Variants in MYRIP observed in about 807,000 individuals in gnomAD.
The protein encoded by MYRIP is myosin VIIA and Rab interacting protein, also known as rab effector MyRIP.
A neutral mutation model predicts 98.0 loss-of-function variants in MYRIP; 49 were observed. That is an observed-to-expected ratio of 0.50 (90% CI 0.40 to 0.63). The LOEUF (loss-of-function observed/expected upper bound fraction) is 0.63. Among genes scored for constraint, MYRIP ranks in the 30% least tolerant of loss-of-function variants. The probability of loss-of-function intolerance (pLI) is 0.00; values close to 1 mark genes in which losing one functional copy is unlikely to be tolerated. For synonymous variants in MYRIP, 404 were observed against 409.5 expected, an observed-to-expected ratio of 0.99 and a Z score of 0.16; for missense variants, 1,004 against 1,058.2, an observed-to-expected ratio of 0.95 and a Z score of 0.71.
At chr3:39,899,402 C>T (rs1943691739) in intron 1 of MYRIP, among the ~76,000 whole-genome samples, 1 of 151,894 alleles carries the variant, frequency 6.6e-6, no homozygotes, top group Admixed American at 6.6e-5. Context: ...AGTGTTTTTC[C>T]AGTCTTATTT....
intron 3 of MYRIP, among the ~76,000 whole-genome samples, chr3:40,065,112 A>T (rs1424668663): frequency 6.6e-6 from 1 of 152,208 alleles, no homozygotes; most frequent in Non-Finnish European, 1.5e-5. Flanking sequence ...AGTCTGTAAG[A>T]GGAATCATCC....
chr3:40,054,742 G>A (rs939341459), intron 3 of MYRIP, among the ~76,000 whole-genome samples: 13 of 152,112 alleles, frequency 8.5e-5, no homozygotes, highest in Non-Finnish European at 1.8e-4. Flanking sequence ...AATCTCATAA[G>A]CCTATTCCTT....
intron 1 of MYRIP, among the ~76,000 whole-genome samples, chr3:39,866,590 C>T (rs1269965994): frequency 1.3e-5 from 2 of 152,080 alleles, no homozygotes; most frequent in East Asian, 3.9e-4. Flanking sequence ...CCTGCCTCAG[C>T]CTCCTGAGTA....
intron 2 of MYRIP, among the ~76,000 whole-genome samples, chr3:39,961,494 A>C (rs1192655031): frequency 3.3e-5 from 5 of 152,238 alleles, no homozygotes; most frequent in African/African-American, 1.2e-4. Context: ...ACGATTTGCG[A>C]GTCCCATTTT....
intron 1 of MYRIP, among the ~76,000 whole-genome samples, chr3:39,877,800 A>C (rs1244796667): frequency 6.6e-6 from 1 of 152,066 alleles, no homozygotes; most frequent in African/African-American, 2.4e-5. Context: ...GGGGTCAGGG[A>C]CCCACTTGAG....
At chr3:39,898,214 G>T (rs1943660011) in intron 1 of MYRIP, among the ~76,000 whole-genome samples, 1 of 152,122 alleles carries the variant, frequency 6.6e-6, no homozygotes, top group East Asian at 1.9e-4. Context: ...AACACCACTT[G>T]GGCAAAGTGG....
In MYRIP at chr3:40,242,079, A is replaced by C. The variant is rs1259239000; in HGVS notation, c.2101-2367A>C. On this transcript the variant is annotated intron_variant, in intron 12 of 16. Coordinates refer to ENST00000302541, the MANE Select transcript of MYRIP (RefSeq NM_015460.4). The stretch of plus-strand genomic sequence containing the variant: ...AACTAGCTTCAGCCCTCCTGAGATC[A>C]CTTCTAGGCTCCACCAGTCCCCAGC... 2.0e-5 allele frequency: 3 copies of C among 152,204 alleles called. No individual in the cohort carries two copies. In the East Asian group the frequency reaches 5.8e-4, roughly 29 times the overall value. The allele number at this position is 152,204 out of a possible 1,614,324, so 9.4% of individuals were successfully genotyped here. A position where few individuals can be genotyped will look rare whatever the true frequency, so the allele number is the denominator to read the frequency against.
chr3:40,129,419 C>T (rs914957511), intron 3 of MYRIP, among the ~76,000 whole-genome samples: 7 of 110,544 alleles, frequency 6.3e-5, no homozygotes, highest in East Asian at 5.7e-4. Context: ...CCAGCCTGGG[C>T]GACAGAGTGA....
At position 40,151,062 on chromosome 3, in the gene MYRIP, A is replaced by G; in HGVS notation, c.347A>G (p.Gln116Arg). The G allele has an allele frequency of 1.3e-6, 2 of 1,591,982 alleles. No homozygotes were observed. Among genetic ancestry groups the G allele is most frequent in the Non-Finnish European group, 1.7e-6 (2 of 1,167,652 alleles). ...GTTTTCCTCAGGCTTCTGAGGGCCCAATCTCTGGAATGGTTCTACAATAAT... is the reference window on the plus strand; with the variant it reads ...GTTTTCCTCAGGCTTCTGAGGGCCCGATCTCTGGAATGGTTCTACAATAAT... ...VCQQARLLRAQSLEWFYNNVK... is the reference protein window; with the variant it reads ...VCQQARLLRARSLEWFYNNVK... Residue 116 changes from glutamine (Q) to arginine (R), a missense_variant, in exon 4 of 17, where the codon CAA becomes CGA. By Grantham distance (43) the Gln-to-Arg change is conservative (BLOSUM62 1). Around this residue, in one of 3 missense-constraint regions of MYRIP, gnomAD observed 880 missense variants for 907.7 expected, o/e 0.97. Coordinates refer to ENST00000302541, the MANE Select transcript of MYRIP (RefSeq NM_015460.4).
chr3:40,023,127 A>G (rs1947035139), intron 2 of MYRIP, among the ~76,000 whole-genome samples: 1 of 152,200 alleles, frequency 6.6e-6, no homozygotes, highest in African/African-American at 2.4e-5. Context: ...TGAAACATGA[A>G]TTAATCTGAA....
intron 1 of MYRIP, among the ~76,000 whole-genome samples, chr3:39,880,295 TTTATAA>T (rs1943126177): frequency 6.6e-6 from 1 of 152,220 alleles, no homozygotes; most frequent in Admixed American, 6.5e-5. Context: ...TTTTCCATAG[TTTATAA>T]TTGTTATCTG....
At chr3:40,108,762 G>A (rs149525275) in intron 3 of MYRIP, among the ~76,000 whole-genome samples, 7 of 152,278 alleles carry the variant, frequency 4.6e-5, no homozygotes, top group East Asian at 1.9e-4. Context: ...CTAAAGTTGC[G>A]ATTGTAAGCA....
chr3:40,133,493 T>C (rs1286199181), intron 3 of MYRIP, among the ~76,000 whole-genome samples: 1 of 152,176 alleles, frequency 6.6e-6, no homozygotes, highest in Non-Finnish European at 1.5e-5. Context: ...TGTGAGGTGT[T>C]GTGATAAAGA....
At chr3:40,165,050 C>A (rs557494586) in intron 5 of MYRIP, among the ~76,000 whole-genome samples, 253 of 152,286 alleles carry the variant, frequency 1.7e-3, no homozygotes, top group African/African-American at 5.6e-3. Context: ...ATTTGTAGAT[C>A]TTTTCTGTGA....
chr3:40,182,489 T>C, intron 9 of MYRIP, 116 bp downstream of exon 9: 2 of 1,223,730 alleles, frequency 1.6e-6, no homozygotes, highest in Non-Finnish European at 2.2e-6. Flanking sequence ...AACTGGTGTG[T>C]GTCCCTCTGG....
At chr3:39,866,310 TAC>T (rs1324173519) in intron 1 of MYRIP, among the ~76,000 whole-genome samples, 1 of 152,006 alleles carries the variant, frequency 6.6e-6, no homozygotes, top group Non-Finnish European at 1.5e-5. Context: ...ATAACAAACC[TAC>T]ATATATACCC....
At chr3:40,064,027 G>C (rs977448742) in intron 3 of MYRIP, among the ~76,000 whole-genome samples, 3 of 152,090 alleles carry the variant, frequency 2.0e-5, no homozygotes, top group African/African-American at 7.2e-5. Flanking sequence ...AAAGTAAAGA[G>C]CAAGAAGGGG....
intron 2 of MYRIP, among the ~76,000 whole-genome samples, chr3:39,906,920 G>A (rs1943893071): frequency 6.6e-6 from 1 of 152,228 alleles, no homozygotes; most frequent in South Asian, 2.1e-4. Flanking sequence ...GCTATCAACA[G>A]ACTAGCAGGC....
intron 1 of MYRIP, among the ~76,000 whole-genome samples, chr3:39,879,617 A>G (rs1012917259): frequency 1.3e-5 from 2 of 152,208 alleles, no homozygotes; most frequent in Non-Finnish European, 2.9e-5. Context: ...ATCCTGGGAC[A>G]TAGTGTGTAC....
Sources: allele counts gnomAD v4.1 joint callset (sites outside exome capture counted in the v4.1 genomes callset), GRCh38; gene constraint gnomAD v4.1.1; regional missense constraint gnomAD v4.1.1; transcripts MANE v1.5; gene names NCBI Gene and HGNC (gene_info 2026-07-23, HGNC 2026-07-21).